The following PDE4D variants were observed in gnomAD, a reference collection of about 807,000 sequenced individuals.
PDE4D encodes the protein 3',5'-cyclic-AMP phosphodiesterase 4D.
A neutral mutation model predicts 87.4 loss-of-function variants in PDE4D; 24 were observed. The ratio of observed to expected loss-of-function variants is 0.27; its 90% CI spans 0.20 to 0.39. PDE4D has a LOEUF of 0.39. Among genes scored for constraint, PDE4D ranks in the 10% least tolerant of loss-of-function variants. The pLI, the probability that PDE4D is intolerant of heterozygous loss-of-function variation, is 1.00. For missense variants in PDE4D, 714 were observed against 1,041.0 expected, an observed-to-expected ratio of 0.69 and a Z score of 4.32; for synonymous variants, 384 against 383.2, an observed-to-expected ratio of 1.00 and a Z score of -0.02.
At chr5:59,175,968 C>A (rs965585353) in intron 5 of PDE4D, among the ~76,000 whole-genome samples, 2 of 151,822 alleles carry the variant, frequency 1.3e-5, no homozygotes, top group South Asian at 4.2e-4. Context: ...TCCTTGAATT[C>A]TTGCAACAGT....
At chr5:59,968,882 C>A (rs1760373607) in intron 3 of PDE4D, among the ~76,000 whole-genome samples, 2 of 151,816 alleles carry the variant, frequency 1.3e-5, no homozygotes, top group Non-Finnish European at 2.9e-5. Flanking sequence ...TAAGGTCTGG[C>A]ACGTGATAAT....
At position 59,754,797 on chromosome 5, in the gene PDE4D, A is replaced by ATTTTTTTTTTTTTTTTTT. The variant is rs754869518; in HGVS notation, c.455+138353_455+138370dup. On this transcript the variant is annotated intron_variant, in intron 1 of 14. Transcript: ENST00000340635. ...GCAGGTACAGAATTTTCCACAGAAC[A>ATTTTTTTTTTTTTTTTTT]TTTTTTTTTTTTTTTTTTTTTTTTT... is the stretch of plus-strand genomic sequence containing the variant. Among the ~76,000 whole-genome samples, 18 of 96,870 alleles carry ATTTTTTTTTTTTTTTTTT rather than the reference A, an allele frequency of 1.9e-4. 7 individuals carry two copies. Among genetic ancestry groups the ATTTTTTTTTTTTTTTTTT allele is most frequent in the African/African-American group, 2.5e-4 (6 of 24,100 alleles). 63.6% of individuals were successfully genotyped at this position (96,870 alleles called of 152,430 possible).
intron 1 of PDE4D, among the ~76,000 whole-genome samples, chr5:59,443,296 A>G (rs983882320): frequency 1.3e-5 from 2 of 152,250 alleles, no homozygotes; most frequent in African/African-American, 4.8e-5. Context: ...TTTCTAGAAT[A>G]TGAATTTGAC....
chr5:59,176,392 A>C (rs1010683658), intron 5 of PDE4D, among the ~76,000 whole-genome samples: 1 of 152,026 alleles, frequency 6.6e-6, no homozygotes, highest in Non-Finnish European at 1.5e-5. Flanking sequence ...GTCTCTACTA[A>C]AAACACAAAA....
intron 1 of PDE4D, among the ~76,000 whole-genome samples, chr5:60,439,211 C>T (rs1745001017): frequency 6.6e-6 from 1 of 152,078 alleles, no homozygotes; most frequent in East Asian, 1.9e-4. Flanking sequence ...TGTTTTCACA[C>T]CAATATCAAA....
At chr5:60,058,466 C>T (rs1011377859) in intron 2 of PDE4D, among the ~76,000 whole-genome samples, 8 of 151,882 alleles carry the variant, frequency 5.3e-5, no homozygotes, top group Admixed American at 5.3e-4. Flanking sequence ...TACTCTTTTC[C>T]TTTTCAGTGT....
chr5:59,002,488 A>G (rs75655544), intron 6 of PDE4D, among the ~76,000 whole-genome samples: 1 of 147,604 alleles, frequency 6.8e-6, no homozygotes, highest in South Asian at 2.1e-4. Flanking sequence ...CATTAGGTTG[A>G]AAAAAAAAAA....
At chr5:59,262,993 G>A (rs1408553122) in intron 1 of PDE4D, among the ~76,000 whole-genome samples, 1 of 151,784 alleles carries the variant, frequency 6.6e-6, no homozygotes, top group Non-Finnish European at 1.5e-5. Context: ...GCCAGTGGTG[G>A]TGGCAAACTA....
intron 1 of PDE4D, among the ~76,000 whole-genome samples, chr5:59,442,672 T>C (rs568345233): frequency 2.0e-5 from 3 of 152,324 alleles, no homozygotes; most frequent in Admixed American, 6.5e-5. Flanking sequence ...TATAAAAGTA[T>C]GTGATTTTAA....
intron 1 of PDE4D, among the ~76,000 whole-genome samples, chr5:59,705,915 G>A (rs1287800145): frequency 6.6e-6 from 1 of 152,128 alleles, no homozygotes; most frequent in African/African-American, 2.4e-5. Flanking sequence ...TAGATGGTCT[G>A]TATTTGAATC....
chr5:59,413,446 A>G (rs1163476056), intron 1 of PDE4D, among the ~76,000 whole-genome samples: 1 of 122,788 alleles, frequency 8.1e-6, no homozygotes, highest in Non-Finnish European at 1.6e-5. Context: ...TGACTGAGTG[A>G]GACTCCATCT....
At chr5:60,113,253 G>A (rs1777852746) in intron 2 of PDE4D, among the ~76,000 whole-genome samples, 1 of 151,996 alleles carries the variant, frequency 6.6e-6, no homozygotes, top group Non-Finnish European at 1.5e-5. Context: ...CCTTCCTTAA[G>A]AAAATAGAAG....
At chr5:60,478,807 C>G (rs1219833076) in intron 1 of PDE4D, among the ~76,000 whole-genome samples, 1 of 152,166 alleles carries the variant, frequency 6.6e-6, no homozygotes, top group Non-Finnish European at 1.5e-5. Context: ...AGACTCATAC[C>G]CAGTGCAGTT....
intron 2 of PDE4D, among the ~76,000 whole-genome samples, chr5:59,995,556 G>T (rs1008779465): frequency 1.3e-5 from 2 of 152,004 alleles, no homozygotes; most frequent in African/African-American, 4.8e-5. Context: ...TTGACCTCAG[G>T]TGATCCACCG....
chr5:59,320,507 T>C (rs1774527515), intron 1 of PDE4D, among the ~76,000 whole-genome samples: 3 of 152,034 alleles, frequency 2.0e-5, no homozygotes, highest in Admixed American at 2.0e-4. Context: ...ACTTACTGAG[T>C]TTTAACTTCA....
intron 6 of PDE4D, among the ~76,000 whole-genome samples, chr5:59,024,754 T>C (rs541850513): frequency 3.7e-4 from 56 of 152,288 alleles, no homozygotes; most frequent in African/African-American, 1.3e-3. Context: ...TTATGATTTA[T>C]CAAAACCCAA....
intron 1 of PDE4D, among the ~76,000 whole-genome samples, chr5:59,629,572 A>C (rs990326843): frequency 6.6e-6 from 1 of 152,170 alleles, no homozygotes; most frequent in Admixed American, 6.5e-5. Flanking sequence ...CAGCCCTCGG[A>C]AAGAACCAAC....
intron 1 of PDE4D, among the ~76,000 whole-genome samples, chr5:59,279,568 T>C (rs1049129062): frequency 2.6e-5 from 4 of 152,092 alleles, no homozygotes; most frequent in Non-Finnish European, 5.9e-5. Context: ...TTCCTACCTC[T>C]TTCATAAACT....
intron 2 of PDE4D, among the ~76,000 whole-genome samples, chr5:59,199,848 A>C (rs1342675458): frequency 6.6e-6 from 1 of 151,968 alleles, no homozygotes; most frequent in East Asian, 1.9e-4. Flanking sequence ...GTATATGTAT[A>C]TATACATACA....
Sources: allele counts gnomAD v4.1 joint callset (sites outside exome capture counted in the v4.1 genomes callset), GRCh38; gene constraint gnomAD v4.1.1; transcripts MANE v1.5; gene names NCBI Gene and HGNC (gene_info 2026-07-23, HGNC 2026-07-21).